The following MICU1 variants were observed in gnomAD, a reference collection of about 807,000 sequenced individuals.
MICU1 encodes calcium uptake protein 1, mitochondrial.
Under a neutral mutation model 56.8 loss-of-function variants are expected in MICU1, and 45 were observed. That is an observed-to-expected ratio of 0.79 (90% CI 0.62 to 1.02). The LOEUF is 1.02. Ranked by LOEUF, MICU1 falls within the 50% of genes least tolerant of loss-of-function variation. The probability of loss-of-function intolerance (pLI) is 0.00; values close to 1 mark genes in which losing one functional copy is unlikely to be tolerated. For synonymous variants in MICU1, 186 were observed against 195.1 expected, an observed-to-expected ratio of 0.95 and a Z score of 0.39; for missense variants, 504 against 587.1, an observed-to-expected ratio of 0.86 and a Z score of 1.46.
rs181674467 is a variant in MICU1 at position 72,396,356 on chromosome 10, C to A, written c.1180+11573G>T. On this transcript the variant is annotated intron_variant, in intron 10 of 11. Coordinates refer to ENST00000361114, the MANE Select transcript of MICU1 (RefSeq NM_001195518.2). ...AACCAGAGCAGAAAAGCTGAAAATT[C>A]TAAAAAGCAGAGCGCCTCTTCTCCT... is the stretch of plus-strand genomic sequence containing the variant. 2.0e-3 allele frequency among the ~76,000 whole-genome samples: 301 copies of A among 152,318 alleles called. 2 individuals carry two copies. The highest frequency in any genetic ancestry group is 6.9e-3 in the African/African-American group (285 of 41,580).
At chr10:72,550,847 A>G (rs191743788) in intron 4 of MICU1, among the ~76,000 whole-genome samples, 7 of 152,300 alleles carry the variant, frequency 4.6e-5, no homozygotes, top group East Asian at 3.9e-4. Context: ...TTCATACTTT[A>G]TAAGTTTTCT....
intron 8 of MICU1, among the ~76,000 whole-genome samples, chr10:72,473,767 C>T (rs374896987): frequency 2.0e-5 from 3 of 152,200 alleles, no homozygotes; most frequent in Admixed American, 1.3e-4. Context: ...TTGAACAAAA[C>T]AACACAATTG....
chr10:72,566,784 G>A lies in MICU1; in HGVS notation c.10C>T (p.Leu4=), dbSNP rs1161835509. Residue 4 remains leucine (L), a synonymous_variant, in exon 2 of 12, where the codon CTG becomes TTG. Transcript: ENST00000361114. MFR[L]NSLSALAELA... The stretch of plus-strand genomic sequence containing the variant: ...TCTGCCAAAGCAGAAAGTGAGTTCA[G>A]ACGAAACATCCTGTGGACAATAAGT... 5 of 1,610,410 alleles carry A rather than the reference G, an allele frequency of 3.1e-6. No individual in the cohort carries two copies. Among genetic ancestry groups the A allele is most frequent in the Non-Finnish European group, 3.4e-6 (4 of 1,178,588 alleles).
intron 10 of MICU1, among the ~76,000 whole-genome samples, chr10:72,395,384 T>G (rs1393575587): frequency 6.6e-6 from 1 of 152,138 alleles, no homozygotes; most frequent in Non-Finnish European, 1.5e-5. Flanking sequence ...GATGGGTGAT[T>G]TCTGCATTTA....
chr10:72,486,001 CA>C (rs1358495746), intron 6 of MICU1, among the ~76,000 whole-genome samples: 1 of 150,570 alleles, frequency 6.6e-6, no homozygotes, highest in Non-Finnish European at 1.5e-5. Context: ...ATAAATTATG[CA>C]AAAGACCTAA....
At position 72,607,974 on chromosome 10, in the gene MICU1, T is replaced by G. The variant is rs117595254; in HGVS notation, c.-2+18036A>C. The stretch of plus-strand genomic sequence containing the variant: ...CACACATCTGGTGTAGGCAGTGAAG[T>G]GCTGAGTGACTGCGTGTTATGAGTG... On this transcript the variant is annotated intron_variant, in intron 1 of 11. Coordinates refer to ENST00000361114, the MANE Select transcript of MICU1 (RefSeq NM_001195518.2). Among the ~76,000 whole-genome samples, 444 of 152,306 alleles carry G rather than the reference T, an allele frequency of 2.9e-3. 4 individuals are homozygous for G. In the East Asian group the frequency reaches 0.043, roughly 15 times the overall value.
chr10:72,535,228 C>T (rs1839604655), intron 4 of MICU1, among the ~76,000 whole-genome samples: 1 of 151,538 alleles, frequency 6.6e-6, no homozygotes, highest in Non-Finnish European at 1.5e-5. Flanking sequence ...TGGGGTTTTG[C>T]CAGGTTGGCC....
chr10:72,566,592 T>C lies in MICU1; in HGVS notation c.161+41A>G, dbSNP rs373872851. On this transcript the variant is annotated intron_variant, in intron 2 of 11. Coordinates refer to ENST00000361114, the MANE Select transcript of MICU1 (RefSeq NM_001195518.2). ...CTGACAACAGAGATGACTGGAAGAA[T>C]AAAAGTATACGCAAGAACAAGATGG... The C allele has an allele frequency of 6.0e-5, 95 of 1,576,376 alleles. No individual in the cohort carries two copies. In the African/African-American group the frequency reaches 1.2e-3, roughly 20 times the overall value.
intron 1 of MICU1, among the ~76,000 whole-genome samples, chr10:72,618,990 T>C (rs904280193): frequency 6.6e-6 from 1 of 152,250 alleles, no homozygotes; most frequent in Non-Finnish European, 1.5e-5. Flanking sequence ...AATGTCTTGA[T>C]ACATATTAGA....
chr10:72,368,421 C>T (rs1008401876), intron 11 of MICU1, 66 bp from the exon 12 acceptor site: 36 of 1,536,112 alleles, frequency 2.3e-5, no homozygotes, highest in Non-Finnish European at 3.2e-5. Context: ...TGATATAATT[C>T]CATTGTCCAC....
chr10:72,372,055 CGA>C (rs1862362181), intron 11 of MICU1, among the ~76,000 whole-genome samples: 2 of 140,294 alleles, frequency 1.4e-5, no homozygotes, highest in African/African-American at 5.4e-5. Context: ...GATGCTGTCT[CGA>C]AAAAAAAAAA....
intron 5 of MICU1, among the ~76,000 whole-genome samples, chr10:72,519,660 C>A (rs928803128): frequency 6.6e-6 from 1 of 152,070 alleles, no homozygotes; most frequent in Non-Finnish European, 1.5e-5. Flanking sequence ...GACTCATGAG[C>A]GCTAAGTGTG....
intron 1 of MICU1, among the ~76,000 whole-genome samples, chr10:72,581,404 C>T (rs932651846): frequency 1.3e-5 from 2 of 152,050 alleles, no homozygotes; most frequent in East Asian, 1.9e-4. Context: ...CCAAGGCAGG[C>T]GATCACTTGA....
In MICU1 at chr10:72,578,649, C is replaced by T. The variant is rs551118480; in HGVS notation, c.-1-11855G>A. Among the ~76,000 whole-genome samples, 186 of 152,070 alleles carry T rather than the reference C, an allele frequency of 1.2e-3. 1 individual carries two copies. The highest frequency in any genetic ancestry group is 4.0e-3 in the African/African-American group (167 of 41,492). On this transcript the variant is annotated intron_variant, in intron 1 of 11. Transcript: ENST00000361114. ...TTGAGACAGAGTCTCGCTTTGTCAC[C>T]CAGGCTGGAGTACAGTGGTGCAATC...
intron 8 of MICU1, among the ~76,000 whole-genome samples, chr10:72,428,312 C>G (rs1219745395): frequency 1.3e-5 from 2 of 152,080 alleles, no homozygotes; most frequent in Non-Finnish European, 2.9e-5. Context: ...CCAAACATTC[C>G]TTCTATTTTA....
chr10:72,621,497 A>C (rs966432925), intron 1 of MICU1, among the ~76,000 whole-genome samples: 27 of 152,204 alleles, frequency 1.8e-4, no homozygotes, highest in Non-Finnish European at 3.5e-4. Context: ...CGTCTCAAAA[A>C]ATAATAATAA....
chr10:72,489,279 G>GTCT (rs376011820), intron 6 of MICU1, among the ~76,000 whole-genome samples: 85,307 of 148,556 alleles, frequency 0.57, 25,206 homozygotes, highest in Non-Finnish European at 0.68. Context: ...GGGTGACAGA[G>GTCT]CGAGACTCTG....
At chr10:72,470,724 G>A (rs1390906417) in intron 8 of MICU1, among the ~76,000 whole-genome samples, 8 of 152,110 alleles carry the variant, frequency 5.3e-5, no homozygotes, top group Non-Finnish European at 1.2e-4. Flanking sequence ...GGGTGAGGTG[G>A]TGTATAATGA....
At chr10:72,552,118 T>A (rs1840049385) in intron 3 of MICU1, among the ~76,000 whole-genome samples, 1 of 152,200 alleles carries the variant, frequency 6.6e-6, no homozygotes, top group Non-Finnish European at 1.5e-5. Context: ...AACTCAATTA[T>A]TAACAGGTCT....
Sources: allele counts gnomAD v4.1 joint callset (sites outside exome capture counted in the v4.1 genomes callset), GRCh38; gene constraint gnomAD v4.1.1; transcripts MANE v1.5; gene names NCBI Gene and HGNC (gene_info 2026-07-23, HGNC 2026-07-21).